The following TRIO variants were observed in gnomAD, a reference collection of about 807,000 sequenced individuals.
TRIO encodes triple functional domain protein.
A neutral mutation model predicts 351.9 loss-of-function variants in TRIO; 58 were observed. That is an observed-to-expected ratio of 0.16 (90% CI 0.13 to 0.21). The LOEUF (loss-of-function observed/expected upper bound fraction) is 0.21. Among genes scored for constraint, TRIO ranks in the 10% least tolerant of loss-of-function variants. TRIO has a pLI of 1.00. For synonymous variants in TRIO, 1,758 were observed against 1,595.7 expected (o/e 1.10, Z -2.42); for missense variants, 3,201 against 4,027.8 (o/e 0.79, Z 5.56).
At chr5:14,312,712 T>C (rs942999094) in intron 8 of TRIO, among the ~76,000 whole-genome samples, 1 of 152,220 alleles carries the variant, frequency 6.6e-6, no homozygotes, top group East Asian at 1.9e-4. Context: ...GTTCAGTAGT[T>C]AAGAAACTGT....
At chr5:14,328,323 A>G (rs1664509) in intron 9 of TRIO, among the ~76,000 whole-genome samples, 1 of 152,278 alleles carries the variant, frequency 6.6e-6, no homozygotes, top group African/African-American at 2.4e-5. Context: ...TCAATACACT[A>G]GTTAAAACAA....
intron 1 of TRIO, among the ~76,000 whole-genome samples, chr5:14,184,986 C>T (rs1010576031): frequency 6.6e-6 from 1 of 152,154 alleles, no homozygotes; most frequent in Non-Finnish European, 1.5e-5. Flanking sequence ...GTCACCAATA[C>T]CTCCTTATTC....
Position 14,481,930 on chromosome 5 carries a change from A to G in TRIO, c.6465+312A>G, listed in dbSNP as rs192533756. ...GAGTTTCCTTTCCTCAGCACTTAAG[A>G]CCATGGTTAGCTATGGATGTAGTAG... On this transcript the variant is annotated intron_variant, in intron 45 of 56. Transcript: ENST00000344204. 5.8e-5 allele frequency: 18 copies of G among 309,758 alleles called. No individual in the cohort carries two copies. The South Asian group carries it at 5.9e-4, about 10-fold the overall frequency. 19.2% of individuals were successfully genotyped at this position (309,758 alleles called of 1,614,324 possible). A position where few individuals can be genotyped will look rare whatever the true frequency, so the allele number is the denominator to read the frequency against.
chr5:14,168,932 G>C (rs1188230080), intron 1 of TRIO, among the ~76,000 whole-genome samples: 1 of 152,248 alleles, frequency 6.6e-6, no homozygotes, highest in Non-Finnish European at 1.5e-5. Flanking sequence ...TTTGTCCACG[G>C]GTTGGGAAGA....
chr5:14,368,757 T>C lies in TRIO; in HGVS notation c.2924T>C (p.Leu975Pro). The change falls in exon 17 of 57, where the codon CTA becomes CCA. Residue 975 changes from leucine to proline, a missense_variant. Coordinates refer to ENST00000344204, the MANE Select transcript of TRIO (RefSeq NM_007118.4). ...LQVQQKAEAMLQANHYDMDMI... is the reference protein window; with the variant it reads ...LQVQQKAEAMPQANHYDMDMI... The stretch of plus-strand genomic sequence containing the variant: ...GTGCAGCAGAAGGCAGAAGCCATGC[T>C]ACAGGCCAACCACTACGACATGGAC... 2 of 1,614,116 alleles carry C rather than the reference T, an allele frequency of 1.2e-6. No individual in the cohort carries two copies. Among genetic ancestry groups the C allele is most frequent in the Non-Finnish European group, 8.5e-7 (1 of 1,180,020 alleles).
chr5:14,416,963 C>T lies in TRIO; in HGVS notation c.4960-2815C>T, dbSNP rs571755726. ...CAGCGGGTGGCATCACTGGGGAGCT[C>T]TAGCCAGACCCAGAGGCCTGGGAAG... On this transcript the variant is annotated intron_variant, in intron 33 of 56. Transcript: ENST00000344204. Among the ~76,000 whole-genome samples the T allele has an allele frequency of 6.2e-4, 94 of 152,308 alleles. 4 individuals carry two copies. The South Asian group carries it at 0.018, about 29-fold the overall frequency.
intron 33 of TRIO, among the ~76,000 whole-genome samples, chr5:14,414,565 A>T (rs1383252229): frequency 2.0e-5 from 3 of 152,198 alleles, no homozygotes; most frequent in African/African-American, 7.2e-5. Context: ...AGTGTTGAGT[A>T]TGGTAAGCTG....
chr5:14,264,371 C>T (rs746153784), intron 1 of TRIO, among the ~76,000 whole-genome samples: 2 of 151,932 alleles, frequency 1.3e-5, no homozygotes, highest in Non-Finnish European at 2.9e-5. Context: ...TTAGCCAGTC[C>T]AACAGTTATA....
chr5:14,366,765 A>G (rs1744630987), intron 15 of TRIO, 95 bp from the exon 16 acceptor site: 1 of 1,538,590 alleles, frequency 6.5e-7, no homozygotes, highest in African/African-American at 1.4e-5. Context: ...GCCAGGAGCA[A>G]CTGGACTATC....
At chr5:14,446,012 C>A (rs531051749) in intron 34 of TRIO, among the ~76,000 whole-genome samples, 1 of 152,218 alleles carries the variant, frequency 6.6e-6, no homozygotes, top group Admixed American at 6.5e-5. Context: ...CATCACACCA[C>A]GGGCACTGAT....
chr5:14,301,262 G>A (rs143352482), intron 7 of TRIO, among the ~76,000 whole-genome samples: 5 of 151,966 alleles, frequency 3.3e-5, no homozygotes, highest in African/African-American at 9.7e-5. Flanking sequence ...CATTTATTCA[G>A]CAACACTTTC....
At chr5:14,463,262 C>T (rs1021080021) in intron 36 of TRIO, among the ~76,000 whole-genome samples, 4 of 152,128 alleles carry the variant, frequency 2.6e-5, no homozygotes, top group Admixed American at 6.5e-5. Context: ...CAGAGATATC[C>T]CATGCAGGTC....
Position 14,508,344 on chromosome 5 carries a change from G to A in TRIO, c.9216G>A (p.Arg3072=), listed in dbSNP as rs753475111. 16 of 1,613,912 alleles carry A rather than the reference G, an allele frequency of 9.9e-6. No homozygotes were observed. The South Asian group carries it at 1.5e-4, about 16-fold the overall frequency. The part of the protein sequence containing the change: ...DTSRLTSFIE[R]RKHQNDVRPI... ...CCAGACTGACTTCCTTCATTGAGCGGCGCAAACACCAGAATGATGTTCGAC... is the reference window on the plus strand; with the variant it reads ...CCAGACTGACTTCCTTCATTGAGCGACGCAAACACCAGAATGATGTTCGAC... The change falls in exon 57 of 57, where the codon CGG becomes CGA. Residue 3072 remains arginine (R), a synonymous_variant. Transcript: ENST00000344204.
chr5:14,251,207 G>A (rs970371095), intron 1 of TRIO, among the ~76,000 whole-genome samples: 1 of 152,132 alleles, frequency 6.6e-6, no homozygotes, highest in Non-Finnish European at 1.5e-5. Flanking sequence ...AGGTTTCCTT[G>A]ATTTCATAGT....
intron 1 of TRIO, among the ~76,000 whole-genome samples, chr5:14,210,422 G>T (rs548104250): frequency 6.6e-6 from 1 of 152,284 alleles, no homozygotes; most frequent in South Asian, 2.1e-4. Flanking sequence ...TTTGCAGCCA[G>T]CCATTTTGTG....
intron 1 of TRIO, among the ~76,000 whole-genome samples, chr5:14,150,884 T>C (rs184630795): frequency 2.0e-5 from 3 of 152,344 alleles, no homozygotes; most frequent in Admixed American, 2.0e-4. Context: ...ATAAAGATTC[T>C]TTCCTGGGAT....
intron 31 of TRIO, among the ~76,000 whole-genome samples, chr5:14,404,535 C>G (rs994384326): frequency 1.3e-5 from 2 of 152,178 alleles, no homozygotes; most frequent in African/African-American, 4.8e-5. Context: ...TGTTCTTTTG[C>G]AGGTACTTCT....
At chr5:14,444,539 T>A (rs1579672845) in intron 34 of TRIO, among the ~76,000 whole-genome samples, 1 of 152,256 alleles carries the variant, frequency 6.6e-6, no homozygotes, top group South Asian at 2.1e-4. Flanking sequence ...TGTGATCTTA[T>A]AAGTTCTTGA....
chr5:14,312,151 A>G (rs1738987067), intron 8 of TRIO, among the ~76,000 whole-genome samples: 1 of 152,220 alleles, frequency 6.6e-6, no homozygotes, highest in Admixed American at 6.5e-5. Context: ...TAGAGATCCC[A>G]GTACCAGAAA....
Sources: allele counts gnomAD v4.1 joint callset (sites outside exome capture counted in the v4.1 genomes callset), GRCh38; gene constraint gnomAD v4.1.1; transcripts MANE v1.5; gene names NCBI Gene and HGNC (gene_info 2026-07-23, HGNC 2026-07-21).